The following DCC variants were observed in gnomAD, a reference collection of about 807,000 sequenced individuals.
DCC encodes the protein DCC netrin 1 receptor.
In DCC, 58 loss-of-function variants were observed where a neutral mutation model predicts 172.5. The ratio of observed to expected loss-of-function variants is 0.34; its 90% CI spans 0.27 to 0.42. The LOEUF is 0.42. Among genes scored for constraint, DCC ranks in the 10% least tolerant of loss-of-function variants. DCC has a pLI of 1.00. For synonymous variants in DCC, 709 were observed against 644.5 expected, an observed-to-expected ratio of 1.10 and a Z score of -1.52; for missense variants, 1,740 against 1,791.0, an observed-to-expected ratio of 0.97 and a Z score of 0.51.
At position 52,596,653 on chromosome 18, in the gene DCC, C is replaced by T. The variant is rs191008359; in HGVS notation, c.92-155401C>T. On this transcript the variant is annotated intron_variant, in intron 1 of 28. Transcript: ENST00000442544. Reference sequence around the variant, plus strand: ...ACTGAAACCCAGAGTAATAAAATGACCTGCTGAAAGACAGAATAGAACTAT... The same window carrying T: ...ACTGAAACCCAGAGTAATAAAATGATCTGCTGAAAGACAGAATAGAACTAT... 3.8e-3 allele frequency among the ~76,000 whole-genome samples: 578 copies of T among 152,294 alleles called. 2 individuals carry two copies. The highest frequency in any genetic ancestry group is 6.8e-3 in the Middle Eastern group (2 of 294).
chr18:53,471,407 T>C (rs2045695253), intron 25 of DCC, among the ~76,000 whole-genome samples: 2 of 152,244 alleles, frequency 1.3e-5, no homozygotes, highest in Non-Finnish European at 2.9e-5. Context: ...ATTCATTCTA[T>C]TTTTTGTACC....
intron 5 of DCC, among the ~76,000 whole-genome samples, chr18:52,955,093 A>G (rs554959235): frequency 6.6e-6 from 1 of 152,098 alleles, no homozygotes; most frequent in Non-Finnish European, 1.5e-5. Flanking sequence ...ACTAGGTTTC[A>G]CCCTTGGTGT....
At chr18:52,468,488 C>T (rs1988852513) in intron 1 of DCC, among the ~76,000 whole-genome samples, 1 of 152,186 alleles carries the variant, frequency 6.6e-6, no homozygotes. Flanking sequence ...CCAACCTCAT[C>T]CCATGCCTCC....
At chr18:53,412,156 AG>A (rs1443504590) in intron 20 of DCC, among the ~76,000 whole-genome samples, 6 of 152,176 alleles carry the variant, frequency 3.9e-5, no homozygotes, top group Non-Finnish European at 7.4e-5. Flanking sequence ...AAACACATCT[AG>A]AAAACTAAGA....
At chr18:53,461,914 A>G (rs1034088038) in intron 24 of DCC, among the ~76,000 whole-genome samples, 1 of 152,222 alleles carries the variant, frequency 6.6e-6, no homozygotes, top group African/African-American at 2.4e-5. Context: ...TCAATCCTCC[A>G]GTACATTGGA....
At chr18:53,269,939 C>T (rs151038806) in intron 12 of DCC, among the ~76,000 whole-genome samples, 66 of 152,104 alleles carry the variant, frequency 4.3e-4, no homozygotes, top group East Asian at 2.1e-3. Context: ...GGAATGTTGA[C>T]GGAGAAAGAG....
intron 1 of DCC, among the ~76,000 whole-genome samples, chr18:52,536,738 C>T (rs1026545337): frequency 3.3e-5 from 5 of 152,142 alleles, no homozygotes; most frequent in African/African-American, 9.7e-5. Context: ...TTCAAGCTAG[C>T]GTGACTTTTC....
At chr18:52,738,644 A>G (rs1229332359) in intron 1 of DCC, among the ~76,000 whole-genome samples, 1 of 152,044 alleles carries the variant, frequency 6.6e-6, no homozygotes, top group Non-Finnish European at 1.5e-5. Context: ...GGCTACACCA[A>G]ATTTATTTTA....
At chr18:52,736,540 T>A (rs1393456156) in intron 1 of DCC, among the ~76,000 whole-genome samples, 1 of 152,084 alleles carries the variant, frequency 6.6e-6, no homozygotes. Flanking sequence ...TTTTTTGAAC[T>A]GCAGAGAAAA....
chr18:53,384,502 C>G (rs988865499), intron 15 of DCC, among the ~76,000 whole-genome samples: 4 of 152,012 alleles, frequency 2.6e-5, no homozygotes, highest in Non-Finnish European at 5.9e-5. Context: ...TTATCACTTT[C>G]TCCTGAATCC....
At chr18:53,322,241 T>A in intron 14 of DCC, 84 bp downstream of exon 14, 1 of 792,492 alleles carries the variant, frequency 1.3e-6, no homozygotes. Flanking sequence ...AGGAATGAAC[T>A]CCAACTTTGG....
At chr18:53,020,645 A>G (rs898024318) in intron 5 of DCC, among the ~76,000 whole-genome samples, 2 of 152,228 alleles carry the variant, frequency 1.3e-5, no homozygotes, top group African/African-American at 2.4e-5. Context: ...TGAGGCAATG[A>G]GTAAACTGTA....
chr18:52,864,378 C>G (rs1052229184), intron 2 of DCC, among the ~76,000 whole-genome samples: 1 of 152,220 alleles, frequency 6.6e-6, no homozygotes, highest in Admixed American at 6.5e-5. Context: ...CAGTATTTTA[C>G]AAGGAAACAC....
At chr18:52,468,864 G>A (rs1424294710) in intron 1 of DCC, among the ~76,000 whole-genome samples, 1 of 151,840 alleles carries the variant, frequency 6.6e-6, no homozygotes, top group Non-Finnish European at 1.5e-5. Flanking sequence ...GTGTGTTCTT[G>A]TCTAACTGCT....
At chr18:52,618,751 A>G (rs907629824) in intron 1 of DCC, among the ~76,000 whole-genome samples, 5 of 152,144 alleles carry the variant, frequency 3.3e-5, no homozygotes, top group African/African-American at 1.2e-4. Flanking sequence ...TTTTATCAAT[A>G]CCACCTATTG....
intron 5 of DCC, among the ~76,000 whole-genome samples, chr18:53,043,478 A>T (rs2042197152): frequency 6.6e-6 from 1 of 151,930 alleles, no homozygotes; most frequent in Non-Finnish European, 1.5e-5. Flanking sequence ...AAATAATTAA[A>T]AACAAGAGGA....
intron 1 of DCC, among the ~76,000 whole-genome samples, chr18:52,566,373 TGGGAGGCTAG>T (rs965358938): frequency 6.6e-6 from 1 of 151,952 alleles, no homozygotes; most frequent in Non-Finnish European, 1.5e-5. Flanking sequence ...TATCAGGGGT[TGGGAGGCTAG>T]GGGAGGGATA....
chr18:52,444,056 T>A (rs1568173109), intron 1 of DCC, among the ~76,000 whole-genome samples: 1 of 152,258 alleles, frequency 6.6e-6, no homozygotes, highest in South Asian at 2.1e-4. Context: ...GATTTCTGTC[T>A]CAAGAACCTG....
chr18:53,432,075 C>A (rs1911653185), intron 21 of DCC, among the ~76,000 whole-genome samples: 1 of 151,938 alleles, frequency 6.6e-6, no homozygotes, highest in Non-Finnish European at 1.5e-5. Context: ...AGTTATGTGA[C>A]TGAAAATAAA....
Sources: gnomAD v4.1 joint callset for allele counts (sites outside exome capture counted in the v4.1 genomes callset) on GRCh38, gnomAD v4.1.1 for gene constraint, MANE v1.5 for transcripts, NCBI Gene and HGNC (gene_info 2026-07-23, HGNC 2026-07-21) for gene names.